The following MAD1L1 variants were observed in gnomAD, a reference collection of about 807,000 sequenced individuals.
The protein encoded by MAD1L1 is mitotic arrest deficient 1 like 1, also known as mitotic spindle assembly checkpoint protein MAD1.
MAD1L1 carries 95 observed loss-of-function variants against 96.9 expected under a neutral mutation model. That is an observed-to-expected ratio of 0.98 (90% CI 0.83 to 1.16). The LOEUF is 1.16. Ranked by LOEUF, MAD1L1 falls within the 50% of genes most tolerant of loss-of-function variation. The probability of loss-of-function intolerance (pLI) is 0.00; values close to 1 mark genes in which losing one functional copy is unlikely to be tolerated. For synonymous variants in MAD1L1, 473 were observed against 396.6 expected, an observed-to-expected ratio of 1.19 and a Z score of -2.29; for missense variants, 1,007 against 954.4, an observed-to-expected ratio of 1.06 and a Z score of -0.73.
intron 10 of MAD1L1, among the ~76,000 whole-genome samples, chr7:2,205,217 A>G (rs1584544110): frequency 6.6e-6 from 1 of 150,768 alleles, no homozygotes; most frequent in South Asian, 2.1e-4. Flanking sequence ...TAAGACTGGC[A>G]TTGCTACAGG....
chr7:2,077,191 G>A (rs1400908697), intron 11 of MAD1L1, among the ~76,000 whole-genome samples: 2 of 152,306 alleles, frequency 1.3e-5, no homozygotes, highest in South Asian at 2.1e-4. Context: ...AAACACAGCC[G>A]CATGCACGGT....
At chr7:1,893,269 CCTGGCTGGG>C in intron 18 of MAD1L1, among the ~76,000 whole-genome samples, 1 of 67,894 alleles carries the variant, frequency 1.5e-5, no homozygotes, top group Admixed American at 1.5e-4. Context: ...GATGGGAAGT[CCTGGCTGGG>C]ATGGGAAGTC....
intron 11 of MAD1L1, among the ~76,000 whole-genome samples, chr7:2,070,993 G>C (rs535766765): frequency 1.3e-5 from 2 of 152,174 alleles, no homozygotes; most frequent in East Asian, 1.9e-4. Flanking sequence ...TTGGGGAAGG[G>C]AAAGCTTCAT....
At chr7:2,221,449 C>A (rs1793602716) in intron 5 of MAD1L1, among the ~76,000 whole-genome samples, 1 of 152,120 alleles carries the variant, frequency 6.6e-6, no homozygotes, top group South Asian at 2.1e-4. Context: ...CAGGAAGGAC[C>A]CGCGGCCAGT....
chr7:1,985,382 A>G (rs1434425338), intron 14 of MAD1L1, among the ~76,000 whole-genome samples: 1 of 152,244 alleles, frequency 6.6e-6, no homozygotes, highest in African/African-American at 2.4e-5. Context: ...GGCACAGCAC[A>G]GGCTCTTCCA....
rs1781783085 is a variant in MAD1L1, at chr7:1,816,097, C to T, written c.2130G>A (p.Glu710=). Residue 710 remains glutamate, a synonymous_variant, in exon 19 of 19, where the codon GAG becomes GAA. Transcript: ENST00000265854. ...IPAFLSSLTL[E]LFSRQTVA is the part of the protein sequence containing the mutation. ...ACGCCACGGTCTGGCGGCTGAAGAGCTCGAGGGTGAGCGAGCTGAGGAAGG... is the reference window on the plus strand; with the variant it reads ...ACGCCACGGTCTGGCGGCTGAAGAGTTCGAGGGTGAGCGAGCTGAGGAAGG... The T allele has an allele frequency of 6.2e-7, 1 of 1,612,158 alleles. No individual in the cohort carries two copies. Among genetic ancestry groups the T allele is most frequent in the Non-Finnish European group, 8.5e-7 (1 of 1,179,596 alleles).
Position 2,088,335 on chromosome 7 carries a change from T to A in MAD1L1, c.1074-18997A>T, listed in dbSNP as rs368011313. Among the ~76,000 whole-genome samples the A allele has an allele frequency of 6.6e-5, 10 of 152,276 alleles. No individual in the cohort carries two copies. The East Asian group carries it at 1.4e-3, about 21-fold the overall frequency. ...TCTGGTTACCAGCACGGTGGTCTCG[T>A]GCTACCCTGGTTCCGTGTCGGCGCC... On this transcript the variant is annotated intron_variant, in intron 11 of 18. Transcript: ENST00000265854. The surrounding 1 kb of genome is among the most constrained non-coding windows in gnomAD (Gnocchi z 4.4).
chr7:1,831,978 T>A (rs1020098459), intron 18 of MAD1L1, among the ~76,000 whole-genome samples: 3 of 152,200 alleles, frequency 2.0e-5, no homozygotes. Context: ...ACAGCATCCA[T>A]CCTGTGGCCC....
chr7:2,216,666 T>C, intron 7 of MAD1L1, among the ~76,000 whole-genome samples: 1 of 152,186 alleles, frequency 6.6e-6, no homozygotes, highest in Non-Finnish European at 1.5e-5. Flanking sequence ...CGTGCTCCAC[T>C]CTACCAGGGT....
At chr7:1,902,503 C>T (rs1787306609) in intron 17 of MAD1L1, among the ~76,000 whole-genome samples, 1 of 152,206 alleles carries the variant, frequency 6.6e-6, no homozygotes, top group South Asian at 2.1e-4. Context: ...TTTACTCCTT[C>T]GAGTGTTACG....
chr7:2,206,490 T>G (rs990160046), intron 10 of MAD1L1, among the ~76,000 whole-genome samples: 67 of 152,352 alleles, frequency 4.4e-4, no homozygotes, highest in Middle Eastern at 3.4e-3. Flanking sequence ...GAGACAGGTG[T>G]TAAGGCTCAT....
At chr7:2,190,930 T>C (rs1362427999) in intron 10 of MAD1L1, among the ~76,000 whole-genome samples, 2 of 152,100 alleles carry the variant, frequency 1.3e-5, no homozygotes, top group African/African-American at 4.8e-5. Flanking sequence ...TTTTCTAAAA[T>C]TAAAACATAC....
At chr7:1,887,792 CATGT>C (rs1477575525) in intron 18 of MAD1L1, among the ~76,000 whole-genome samples, 3 of 102,378 alleles carry the variant, frequency 2.9e-5, no homozygotes, top group African/African-American at 7.8e-5. Context: ...TGCATGTGTG[CATGT>C]ATGTGGCTGC....
intron 11 of MAD1L1, among the ~76,000 whole-genome samples, chr7:2,118,415 G>A (rs1375350988): frequency 6.6e-6 from 1 of 152,262 alleles, no homozygotes; most frequent in Admixed American, 6.5e-5. Context: ...CCCAGAAGCA[G>A]GAGGTCAGCC....
At chr7:2,150,341 TGCTGCCTAAAACGCGCAC>T (rs1789510564) in intron 10 of MAD1L1, among the ~76,000 whole-genome samples, 1 of 152,176 alleles carries the variant, frequency 6.6e-6, no homozygotes, top group South Asian at 2.1e-4. Flanking sequence ...GAAGCCATCC[TGCTGCCTAAAACGCGCAC>T]GCTGCAAACC....
intron 17 of MAD1L1, among the ~76,000 whole-genome samples, chr7:1,932,070 C>T (rs906143221): frequency 2.0e-5 from 3 of 152,214 alleles, no homozygotes; most frequent in Admixed American, 6.5e-5. Flanking sequence ...AGCTCCGGTC[C>T]GCATCATGAC....
chr7:2,131,520 C>T (rs3778990), intron 11 of MAD1L1, among the ~76,000 whole-genome samples: 63,953 of 152,094 alleles, frequency 0.42, 15,582 homozygotes, highest in African/African-American at 0.68. Flanking sequence ...CAAAGCGCTG[C>T]TTCTGTTCCC....
intron 18 of MAD1L1, among the ~76,000 whole-genome samples, chr7:1,858,593 C>G (rs1196642991): frequency 1.3e-5 from 2 of 152,216 alleles, no homozygotes; most frequent in Non-Finnish European, 2.9e-5. Context: ...CCAGGACGCC[C>G]GCGGTGCCTC....
chr7:1,925,310 C>T (rs1290699083), intron 17 of MAD1L1, among the ~76,000 whole-genome samples: 1 of 152,180 alleles, frequency 6.6e-6, no homozygotes, highest in Admixed American at 6.5e-5. Flanking sequence ...CAGGGAGAGA[C>T]ACTTTGAAAT....
Sources: allele counts gnomAD v4.1 joint callset (sites outside exome capture counted in the v4.1 genomes callset), GRCh38; gene constraint gnomAD v4.1.1; non-coding constraint Gnocchi (gnomAD v3.1); transcripts MANE v1.5; gene names NCBI Gene and HGNC (gene_info 2026-07-23, HGNC 2026-07-21).